The following DCDC1 variants were observed in gnomAD, a reference collection of about 807,000 sequenced individuals.
The protein encoded by DCDC1 is doublecortin domain-containing protein 1.
Under a neutral mutation model 178.3 loss-of-function variants are expected in DCDC1, and 200 were observed. The ratio of observed to expected loss-of-function variants is 1.12; its 90% CI spans 1.00 to 1.26. DCDC1 has a LOEUF of 1.26. Ranked by LOEUF, DCDC1 falls within the 50% of genes most tolerant of loss-of-function variation. DCDC1 has a pLI of 0.00. For synonymous variants in DCDC1, 690 were observed against 604.8 expected (o/e 1.14, Z -2.07); for missense variants, 1,983 against 1,749.2 (o/e 1.13, Z -2.38).
At chr11:31,138,565 A>C (rs1963439976) in intron 9 of DCDC1, among the ~76,000 whole-genome samples, 1 of 152,214 alleles carries the variant, frequency 6.6e-6, no homozygotes, top group Admixed American at 6.5e-5. Flanking sequence ...TCTGAATTGG[A>C]ATATTTAATA....
chr11:31,166,899 T>C (rs995112748), intron 9 of DCDC1, among the ~76,000 whole-genome samples: 9 of 152,132 alleles, frequency 5.9e-5, no homozygotes, highest in Admixed American at 6.6e-5. Context: ...GTTCTAGTAG[T>C]TGTTCTTGAA....
intron 20 of DCDC1, among the ~76,000 whole-genome samples, chr11:30,980,594 G>T (rs546505507): frequency 6.6e-6 from 1 of 152,122 alleles, no homozygotes; most frequent in South Asian, 2.1e-4. Flanking sequence ...TGCAGAAATG[G>T]GGGTGGCCCA....
intron 9 of DCDC1, among the ~76,000 whole-genome samples, chr11:31,211,330 C>G (rs943884426): frequency 2.0e-5 from 3 of 152,142 alleles, no homozygotes; most frequent in Non-Finnish European, 4.4e-5. Flanking sequence ...TATTTAAGAC[C>G]ATATGTATTT....
chr11:31,100,776 G>A lies in DCDC1; in HGVS notation c.1983+1401C>T, dbSNP rs1424826868. ...ATCAATGAAGTCCAGACGAAAATTC[G>A]GAACTTCAAATGGCAACAGCCAGGC... On this transcript the variant is annotated intron_variant, in intron 15 of 38. Transcript: ENST00000684477. Among the ~76,000 whole-genome samples, 6 of 152,228 alleles carry A rather than the reference G, an allele frequency of 3.9e-5. No individual in the cohort carries two copies. The East Asian group carries it at 7.7e-4, about 20-fold the overall frequency.
At chr11:31,324,511 T>C (rs1949545270) in intron 3 of DCDC1, among the ~76,000 whole-genome samples, 1 of 151,750 alleles carries the variant, frequency 6.6e-6, no homozygotes, top group Non-Finnish European at 1.5e-5. Context: ...TGCAGAAATA[T>C]TTGTAAAGGC....
At chr11:31,274,402 G>A (rs1378913294) in intron 7 of DCDC1, among the ~76,000 whole-genome samples, 4 of 152,098 alleles carry the variant, frequency 2.6e-5, no homozygotes, top group Non-Finnish European at 4.4e-5. Context: ...TCTAGTGCTG[G>A]ATAAAGACAT....
intron 20 of DCDC1, among the ~76,000 whole-genome samples, chr11:30,954,917 T>C (rs1303154066): frequency 2.6e-5 from 4 of 152,174 alleles, no homozygotes; most frequent in South Asian, 2.1e-4. Flanking sequence ...GTTGGCTACA[T>C]ACAAGACAAC....
At chr11:31,077,265 A>T (rs1219176021) in intron 18 of DCDC1, among the ~76,000 whole-genome samples, 1 of 152,194 alleles carries the variant, frequency 6.6e-6, no homozygotes, top group East Asian at 1.9e-4. Flanking sequence ...AAATGTAGAC[A>T]CATCCATCCA....
intron 9 of DCDC1, among the ~76,000 whole-genome samples, chr11:31,164,084 A>T (rs556455075): frequency 1.3e-5 from 2 of 152,322 alleles, no homozygotes; most frequent in Admixed American, 6.5e-5. Flanking sequence ...GGTCAAAGCA[A>T]CTAAGGAAGA....
chr11:30,993,779 G>C lies in DCDC1; in HGVS notation c.2592-41211C>G, dbSNP rs552364546. Among the ~76,000 whole-genome samples, 5 of 152,208 alleles carry C rather than the reference G, an allele frequency of 3.3e-5. No homozygotes were observed. In the South Asian group the frequency reaches 1.0e-3, roughly 32 times the overall value. ...CAAGAAGAAATATGTAGTTTTAATA[G>C]GTGTATTCAAGACGTTACATTTGTA... is the stretch of plus-strand genomic sequence containing the variant. On this transcript the variant is annotated intron_variant, in intron 20 of 38. Coordinates refer to ENST00000684477, the MANE Select transcript of DCDC1 (RefSeq NM_001387274.1).
intron 9 of DCDC1, among the ~76,000 whole-genome samples, chr11:31,216,910 C>T (rs1281289766): frequency 1.3e-5 from 2 of 152,188 alleles, no homozygotes; most frequent in Non-Finnish European, 2.9e-5. Flanking sequence ...CCTCTCATCC[C>T]TCAATGTTTG....
At chr11:31,232,389 A>G (rs575757875) in intron 9 of DCDC1, among the ~76,000 whole-genome samples, 146 of 152,288 alleles carry the variant, frequency 9.6e-4, no homozygotes, top group African/African-American at 3.4e-3. Flanking sequence ...ACTTTAAAAA[A>G]ATATAACCAC....
chr11:30,915,494 A>AAAT lies in DCDC1; in HGVS notation c.3653+14_3653+16dup. 1 of 1,613,748 alleles carries AAAT rather than the reference A, an allele frequency of 6.2e-7. No homozygotes were observed. The highest frequency in any genetic ancestry group is 1.1e-5 in the South Asian group (1 of 91,062). ...ATTCACCTTTTGATATAGTAAACCC[A>AAAT]AATATAATGGGATTACCTGCTGTCT... On this transcript the variant is annotated intron_variant, in intron 27 of 38. Transcript: ENST00000684477.
chr11:31,261,339 C>T (rs1267159224), intron 8 of DCDC1, among the ~76,000 whole-genome samples: 1 of 151,996 alleles, frequency 6.6e-6, no homozygotes, highest in Non-Finnish European at 1.5e-5. Flanking sequence ...AATGGTTTTC[C>T]CAAACCCTAG....
At chr11:30,905,307 T>C in intron 30 of DCDC1, 143 bp from the exon 31 acceptor site, 1 of 895,842 alleles carries the variant, frequency 1.1e-6, no homozygotes, top group Non-Finnish European at 1.6e-6. Context: ...AGATATTGAA[T>C]ACTAGAGCCG....
Position 30,923,784 on chromosome 11 carries a change from T to C in DCDC1, c.2998-1146A>G, listed in dbSNP as rs144145960. ...GGCACCTGCCACCATGCCCAGCTAA[T>C]TTTTTGTATTCTAGTAGAGGCAGGG... is the stretch of plus-strand genomic sequence containing the variant. On this transcript the variant is annotated intron_variant, in intron 23 of 38. Transcript: ENST00000684477. Among the ~76,000 whole-genome samples, 871 of 152,000 alleles carry C rather than the reference T, an allele frequency of 5.7e-3. 4 individuals carry two copies. The highest frequency in any genetic ancestry group is 0.02 in the African/African-American group (820 of 41,444).
At chr11:31,332,771 C>T (rs1950064129) in intron 2 of DCDC1, among the ~76,000 whole-genome samples, 2 of 152,148 alleles carry the variant, frequency 1.3e-5, no homozygotes, top group South Asian at 4.1e-4. Context: ...TGTTCTTTCA[C>T]ATTTGCTGAG....
At chr11:31,087,443 G>A (rs779130505) in intron 17 of DCDC1, among the ~76,000 whole-genome samples, 1 of 151,744 alleles carries the variant, frequency 6.6e-6, no homozygotes, top group Non-Finnish European at 1.5e-5. Flanking sequence ...TGAAGTCATT[G>A]ATTTAATATC....
At chr11:31,207,124 C>G (rs1276306956) in intron 9 of DCDC1, among the ~76,000 whole-genome samples, 1 of 152,056 alleles carries the variant, frequency 6.6e-6, no homozygotes, top group Non-Finnish European at 1.5e-5. Flanking sequence ...CCTTATGTAC[C>G]TATTTCCTCA....
Sources: allele counts gnomAD v4.1 joint callset (sites outside exome capture counted in the v4.1 genomes callset), GRCh38; gene constraint gnomAD v4.1.1; transcripts MANE v1.5; gene names NCBI Gene and HGNC (gene_info 2026-07-23, HGNC 2026-07-21).